The following TRRAP variants were observed in gnomAD, a reference collection of about 807,000 sequenced individuals.
TRRAP encodes transformation/transcription domain associated protein, also known as transformation/transcription domain-associated protein.
Under a neutral mutation model 438.8 loss-of-function variants are expected in TRRAP, and 41 were observed. That is an observed-to-expected ratio of 0.09 (90% CI 0.07 to 0.12). The LOEUF (loss-of-function observed/expected upper bound fraction) is 0.12. Among genes scored for constraint, TRRAP ranks in the 10% least tolerant of loss-of-function variants. TRRAP has a pLI of 1.00. For missense variants in TRRAP, 3,122 were observed against 5,055.1 expected (o/e 0.62, Z 11.60); for synonymous variants, 1,994 against 1,962.9 (o/e 1.02, Z -0.42).
chr7:98,993,831 G>A lies in TRRAP; in HGVS notation c.10047+94G>A, dbSNP rs1475576864. 3.9e-6 allele frequency: 5 copies of A among 1,292,976 alleles called. No homozygotes were observed. In the African/African-American group the frequency reaches 5.9e-5, roughly 15 times the overall value. 80.1% of individuals were successfully genotyped at this position (1,292,976 alleles called of 1,614,324 possible). Reference sequence around the variant, plus strand: ...GGCTCTCTTCCCTTGAGCTTTAGTTGCCGGTCCTTTTATATATTTGTTGTT... The same window carrying A: ...GGCTCTCTTCCCTTGAGCTTTAGTTACCGGTCCTTTTATATATTTGTTGTT... On this transcript the variant is annotated intron_variant, in intron 66 of 72. Transcript: ENST00000456197.
At chr7:98,909,926 C>A in intron 14 of TRRAP, 130 bp from the exon 15 acceptor site, 1 of 1,433,810 alleles carries the variant, frequency 7.0e-7, no homozygotes, top group Non-Finnish European at 9.1e-7. Context: ...TTGACACCAA[C>A]CTCATAGAAA....
At chr7:98,937,859 CA>C (rs1790624281) in intron 30 of TRRAP, 39 bp downstream of exon 30, 3 of 1,552,232 alleles carry the variant, frequency 1.9e-6, no homozygotes, top group African/African-American at 1.4e-5. Flanking sequence ...AACAAACTTT[CA>C]AAAAATTAAA....
intron 11 of TRRAP, among the ~76,000 whole-genome samples, 176 bp from the exon 12 acceptor site, chr7:98,903,203 G>C (rs1199784310): frequency 6.6e-6 from 1 of 152,160 alleles, no homozygotes; most frequent in Non-Finnish European, 1.5e-5. Flanking sequence ...TGTATTTTTA[G>C]TAGAGATGGG....
intron 67 of TRRAP, chr7:98,999,230 G>A: frequency 8.1e-7 from 1 of 1,239,474 alleles, no homozygotes; most frequent in Non-Finnish European, 1.2e-6. Context: ...ACTCCAAGAA[G>A]TACATGCATT....
At position 98,971,846 on chromosome 7, in the gene TRRAP, G is replaced by A. The variant is rs2082938069; in HGVS notation, c.7740G>A (p.Thr2580=). The change falls in exon 53 of 73, where the codon ACG becomes ACA. Residue 2580 remains threonine, a synonymous_variant. Transcript: ENST00000456197. ...IELAPGDQTS[T]PKTKELSEKD... ...TAGCTCCTGGGGATCAGACCAGCAC[G>A]CCCAAAACCAAAGAACTTTCAGAAA... 4 of 1,614,166 alleles carry A rather than the reference G, an allele frequency of 2.5e-6. No individual in the cohort carries two copies. The highest frequency in any genetic ancestry group is 3.4e-6 in the Non-Finnish European group (4 of 1,180,030).
At position 98,959,951 on chromosome 7, in the gene TRRAP, A is replaced by G. The variant is rs566181513; in HGVS notation, c.6489+461A>G. ...CCTGGTCTCTTAAAAAAAAAAAAAA[A>G]AAAGAAAAAGAAAAGAAAAGAAAGA... On this transcript the variant is annotated intron_variant, in intron 45 of 72. Transcript: ENST00000456197. Among the ~76,000 whole-genome samples, 30 of 149,862 alleles carry G rather than the reference A, an allele frequency of 2.0e-4. 1 individual carries two copies. The highest frequency in any genetic ancestry group is 9.8e-4 in the East Asian group (5 of 5,080).
rs533859828 is a variant in TRRAP at position 98,901,337 on chromosome 7, G to A, written c.897+617G>A. Among the ~76,000 whole-genome samples, 9 of 152,308 alleles carry A rather than the reference G, an allele frequency of 5.9e-5. No individual in the cohort carries two copies. In the East Asian group the frequency reaches 1.7e-3, roughly 29 times the overall value. ...TGCCAGATAACGGCTGCAGCCGTAT[G>A]ACCTCACTGAACTTTCATCCCCTCC... On this transcript the variant is annotated intron_variant, in intron 11 of 72. Transcript: ENST00000456197.
At chr7:98,931,716 C>G (rs782007886) in intron 26 of TRRAP, 51 bp downstream of exon 26, 1 of 1,581,658 alleles carries the variant, frequency 6.3e-7, no homozygotes, top group African/African-American at 1.4e-5. Context: ...ACTTTTGAGC[C>G]TTTTTTTTAA....
At chr7:99,006,080 C>T (rs1794152067) in intron 69 of TRRAP, among the ~76,000 whole-genome samples, 2 of 152,190 alleles carry the variant, frequency 1.3e-5, no homozygotes, top group Admixed American at 1.3e-4. Flanking sequence ...CAGAAATTGC[C>T]AGGGGGACAC....
intron 33 of TRRAP, among the ~76,000 whole-genome samples, chr7:98,946,410 GTGCACACACACCACACA>G (rs1280348396): frequency 2.6e-5 from 4 of 151,600 alleles, no homozygotes; most frequent in East Asian, 1.9e-4. Flanking sequence ...TCCCTCTTGC[GTGCACACACACCACACA>G]TGCACACACA....
Position 98,978,835 on chromosome 7 carries a change from C to T in TRRAP, c.8565C>T (p.Asn2855=). ...TEYGQSKGHI[N]PYLVLECAWR... ...ACGGTCAGTCCAAAGGCCACATCAA[C>T]CCCTACCTCGTCCTGGAGTGCGCCT... Residue 2855 remains asparagine, a synonymous_variant, in exon 58 of 73, where the codon AAC becomes AAT. Transcript: ENST00000456197. 6.2e-7 allele frequency: 1 copy of T among 1,614,248 alleles called. No homozygotes were observed. Among genetic ancestry groups the T allele is most frequent in the Non-Finnish European group, 8.5e-7 (1 of 1,180,056 alleles).
At chr7:98,880,241 C>T (rs73711444) in intron 1 of TRRAP, among the ~76,000 whole-genome samples, 1,516 of 143,688 alleles carry the variant, frequency 0.011, 29 homozygotes, top group African/African-American at 0.036. Context: ...AGCCTGCTGC[C>T]TGCGTTTTGT....
chr7:99,010,981 A>G (rs1794401851), intron 70 of TRRAP, 71 bp from the exon 71 acceptor site: 2 of 1,474,176 alleles, frequency 1.4e-6, no homozygotes, highest in Non-Finnish European at 9.3e-7. Flanking sequence ...AGGAATTGCA[A>G]TTTGAGAATT....
At chr7:98,920,315 A>G (rs1391864998) in intron 20 of TRRAP, among the ~76,000 whole-genome samples, 1 of 152,114 alleles carries the variant, frequency 6.6e-6, no homozygotes, top group Non-Finnish European at 1.5e-5. Flanking sequence ...CACTAAAAAA[A>G]ATTAGCTGGG....
intron 69 of TRRAP, among the ~76,000 whole-genome samples, chr7:99,006,591 A>G (rs1030362710): frequency 1.3e-5 from 2 of 152,190 alleles, no homozygotes; most frequent in Admixed American, 1.3e-4. Flanking sequence ...GCTGTGGCTT[A>G]ACTGACATTA....
intron 67 of TRRAP, chr7:98,998,905 GC>G: frequency 2.2e-6 from 1 of 457,926 alleles, no homozygotes; most frequent in African/African-American, 2.0e-5. Flanking sequence ...ACATGGAGAG[GC>G]CCCATGGTAG....
chr7:98,955,029 A>G, intron 40 of TRRAP, 69 bp from the exon 41 acceptor site: 1 of 1,501,174 alleles, frequency 6.7e-7, no homozygotes. Context: ...TCTTGACACC[A>G]AGGGATTGTC....
rs755897939 is a variant in TRRAP, at chr7:98,967,589, T to C, written c.7403T>C (p.Val2468Ala). Residue 2468 changes from valine (V) to alanine (A), a missense_variant, in exon 51 of 73, where the codon GTT (valine) becomes GCT (alanine). Around this residue, in one of 24 missense-constraint regions of TRRAP, gnomAD observed 992 missense variants for 1,281.2 expected, o/e 0.77. Coordinates refer to ENST00000456197, the MANE Select transcript of TRRAP (RefSeq NM_001375524.1). ...QPLIRAKFFE[V>A]FDNSMKRRVY... ...CTCATCAGGGCAAAGTTTTTCGAGG[T>C]TTTTGACAACTCCATGAAACGTCGT... The C allele has an allele frequency of 6.2e-7, 1 of 1,614,038 alleles. No homozygotes were observed.
intron 40 of TRRAP, among the ~76,000 whole-genome samples, chr7:98,954,368 T>G (rs1791493513): frequency 6.6e-6 from 1 of 152,248 alleles, no homozygotes; most frequent in African/African-American, 2.4e-5. Flanking sequence ...CACTGATAGT[T>G]CTTCTGTGAG....
Sources: allele counts gnomAD v4.1 joint callset (sites outside exome capture counted in the v4.1 genomes callset), GRCh38; gene constraint gnomAD v4.1.1; regional missense constraint gnomAD v4.1.1; transcripts MANE v1.5; gene names NCBI Gene and HGNC (gene_info 2026-07-23, HGNC 2026-07-21).